Variants in WDR44 observed in about 807,000 individuals in gnomAD.
The protein encoded by WDR44 is WD repeat-containing protein 44.
A neutral mutation model predicts 65.7 loss-of-function variants in WDR44; 9 were observed. The ratio of observed to expected loss-of-function variants is 0.14; its 90% CI spans 0.08 to 0.24. The LOEUF is 0.24. Among genes scored for constraint, WDR44 ranks in the 10% least tolerant of loss-of-function variants. The pLI, the probability that WDR44 is intolerant of heterozygous loss-of-function variation, is 1.00. For synonymous variants in WDR44, 220 were observed against 235.2 expected (o/e 0.94, Z 0.59); for missense variants, 425 against 670.9 (o/e 0.63, Z 4.05).
chrX:118,447,031 A>AT (rs1244234822), intron 19 of WDR44: 1 of 308,753 alleles, frequency 3.2e-6, no homozygotes, highest in Admixed American at 3.4e-5. Context: ...ATGCCTGGCT[A>AT]ATTTTTTTTT....
At chrX:118,444,227 A>T (rs1229960601) in intron 18 of WDR44, 133 bp from the exon 19 acceptor site, 2 of 719,124 alleles carry the variant, frequency 2.8e-6, no homozygotes, top group African/African-American at 4.3e-5. Flanking sequence ...TTTTTTAGAA[A>T]AATTTTTGGG....
At chrX:118,395,146 C>T in intron 5 of WDR44, 103 bp from the exon 6 acceptor site, 1 of 743,105 alleles carries the variant, frequency 1.3e-6, no homozygotes, top group Non-Finnish European at 2.0e-6. Context: ...CAGCAGACTC[C>T]ATTATCTGAA....
intron 12 of WDR44, among the ~76,000 whole-genome samples, chrX:118,421,030 T>C (rs1462523003): frequency 9.0e-6 from 1 of 111,621 alleles, no homozygotes; most frequent in Non-Finnish European, 1.9e-5. Flanking sequence ...GTGGACCTTA[T>C]TCCTATTGTT....
intron 1 of WDR44, among the ~76,000 whole-genome samples, chrX:118,352,352 A>ATATATATTTTTTTTT (rs1357425730): frequency 7.0e-5 from 1 of 14,224 alleles, no homozygotes; most frequent in Non-Finnish European, 1.0e-4. Context: ...ATATATATAT[A>ATATATATTTTTTTTT]TTTTTTTTTT....
At chrX:118,410,749 G>T in intron 11 of WDR44, 146 bp from the exon 12 acceptor site, 1 of 485,396 alleles carries the variant, frequency 2.1e-6, no homozygotes, top group Non-Finnish European at 3.4e-6. Context: ...CTCCTATAGG[G>T]TTATGCCTCA....
At chrX:118,379,440 C>T (rs1035055723) in intron 2 of WDR44, among the ~76,000 whole-genome samples, 5 of 111,568 alleles carry the variant, frequency 4.5e-5, no homozygotes, top group Non-Finnish European at 9.4e-5. Flanking sequence ...TATACAATGA[C>T]ATGGATGAAT....
intron 2 of WDR44, chrX:118,386,294 CAACTT>C (rs2056765254): frequency 1.9e-5 from 6 of 308,653 alleles, no homozygotes; most frequent in Non-Finnish European, 3.7e-5. Context: ...TATAAATAGA[CAACTT>C]AAGATTGAGA....
chrX:118,396,948 T>A (rs2056870728), intron 6 of WDR44, 22 bp from the exon 7 acceptor site: 7 of 1,149,015 alleles, frequency 6.1e-6, no homozygotes, highest in Admixed American at 3.1e-5. Context: ...TTGGTGTGAT[T>A]GTTTTTTTTT....
Position 118,387,328 on chromosome X carries a change from T to C in WDR44, c.112-12T>C, listed in dbSNP as rs184144755. On this transcript the variant is annotated splice_polypyrimidine_tract_variant and intron_variant, in intron 2 of 19. Coordinates refer to ENST00000254029, the MANE Select transcript of WDR44 (RefSeq NM_019045.5). ...CATCATTTGGTCTCTATTTCTTTTC[T>C]TTTTCAAACAGGAAACAGAGAACAC... 17 of 1,168,237 alleles carry C rather than the reference T, an allele frequency of 1.5e-5. No homozygotes were observed. In the Admixed American group the frequency reaches 3.5e-4, roughly 24 times the overall value.
chrX:118,410,826 G>A, intron 11 of WDR44, 69 bp from the exon 12 acceptor site: 1 of 846,292 alleles, frequency 1.2e-6, no homozygotes, highest in East Asian at 3.3e-5. Context: ...ATTACTTCTG[G>A]ATGTTATATT....
At chrX:118,371,286 C>T (rs1331966853) in intron 1 of WDR44, among the ~76,000 whole-genome samples, 2 of 111,210 alleles carry the variant, frequency 1.8e-5, no homozygotes, top group Non-Finnish European at 3.8e-5. Flanking sequence ...ATGGTAGTTT[C>T]CGGGGGTTGG....
chrX:118,394,243 G>A (rs1437467696), intron 5 of WDR44, 58 bp downstream of exon 5: 11 of 1,187,269 alleles, frequency 9.3e-6, no homozygotes, highest in Non-Finnish European at 1.2e-5. Context: ...CAACTGGCTG[G>A]TTTGTTGATG....
Position 118,368,459 on chromosome X carries a change from C to CTATA in WDR44, c.78-9941_78-9938dup, listed in dbSNP as rs757542334. On this transcript the variant is annotated intron_variant, in intron 1 of 19. Coordinates refer to ENST00000254029, the MANE Select transcript of WDR44 (RefSeq NM_019045.5). The stretch of plus-strand genomic sequence containing the variant: ...CCACATACATGTTTTGAAATAGTGA[C>CTATA]TATATATATATATATATATATACTT... Among the ~76,000 whole-genome samples, 649 of 72,862 alleles carry CTATA rather than the reference C, an allele frequency of 8.9e-3. 50 individuals are homozygous for CTATA. Among genetic ancestry groups the CTATA allele is most frequent in the African/African-American group, 0.039 (537 of 13,814 alleles). 63.3% of individuals were successfully genotyped at this position (72,862 alleles called of 115,157 possible).
Position 118,397,035 on chromosome X carries a change from A to T in WDR44, c.1119A>T (p.Ala373=). The change falls in exon 7 of 20, where the codon GCA becomes GCT. Residue 373 remains alanine, a synonymous_variant. Transcript: ENST00000254029. ...DTGEEIPLSL[A]EEKLPTGINP... The stretch of plus-strand genomic sequence containing the variant: ...GAGAAGAAATACCTTTGAGTCTTGC[A>T]GAAGAGAAACTACCAACAGGCATTA... The T allele has an allele frequency of 6.7e-6, 8 of 1,201,816 alleles. No individual in the cohort carries two copies. Among genetic ancestry groups the T allele is most frequent in the Non-Finnish European group, 9.0e-6 (8 of 891,065 alleles).
chrX:118,348,543 T>C (rs921978816), intron 1 of WDR44, among the ~76,000 whole-genome samples: 2 of 112,277 alleles, frequency 1.8e-5, no homozygotes, highest in African/African-American at 6.5e-5. Flanking sequence ...ATTTCAGGGC[T>C]CCTTTCTGTA....
chrX:118,421,836 C>T (rs2057107818), intron 12 of WDR44, among the ~76,000 whole-genome samples: 1 of 111,353 alleles, frequency 9.0e-6, no homozygotes, highest in Non-Finnish European at 1.9e-5. Flanking sequence ...TTATCTTAGA[C>T]ACTTATAAAG....
At chrX:118,422,594 G>T (rs780501031) in intron 12 of WDR44, among the ~76,000 whole-genome samples, 1 of 109,656 alleles carries the variant, frequency 9.1e-6, no homozygotes, top group Non-Finnish European at 1.9e-5. Flanking sequence ...TGGGAGGCTG[G>T]GGCAGGAGAA....
rs866380600 is a variant in WDR44, at chrX:118,377,744, A to G, written c.78-675A>G. The stretch of plus-strand genomic sequence containing the variant: ...CTCTCTTTTTTTTTTTTTTTTTTTT[A>G]AGAGATGGGATCTTGCTGTCTCCCC... On this transcript the variant is annotated intron_variant, in intron 1 of 19. Coordinates refer to ENST00000254029, the MANE Select transcript of WDR44 (RefSeq NM_019045.5). 2.7e-3 allele frequency among the ~76,000 whole-genome samples: 111 copies of G among 41,400 alleles called. 1 individual carries two copies. The highest frequency in any genetic ancestry group is 3.1e-3 in the Non-Finnish European group (87 of 27,929). The allele number at this position is 41,400 out of a possible 115,157, so 36.0% of individuals were successfully genotyped here. A position where few individuals can be genotyped will look rare whatever the true frequency, so the allele number is the denominator to read the frequency against.
rs761321691 is a variant in WDR44 at position 118,392,821 on chromosome X, A to T, written c.376A>T (p.Ser126Cys). ...VLPEESQKAESQNTFEETELE... is the reference protein window; with the variant it reads ...VLPEESQKAECQNTFEETELE... ...ACCGGAAGAATCCCAAAAGGCAGAG[A>T]GTCAGAATACATTTGAAGAGACTGA... The change falls in exon 4 of 20, where the codon AGT becomes TGT. Residue 126 changes from serine (S) to cysteine (C), a missense_variant. Physicochemically the swap from Ser to Cys is moderately radical, Grantham distance 112 (BLOSUM62 -1). Around this residue, in one of 5 missense-constraint regions of WDR44, gnomAD observed 193 missense variants for 209.0 expected, o/e 0.92. Coordinates refer to ENST00000254029, the MANE Select transcript of WDR44 (RefSeq NM_019045.5). 6.6e-6 allele frequency: 8 copies of T among 1,212,099 alleles called. No individual in the cohort carries two copies. The Admixed American group carries it at 1.7e-4, about 26-fold the overall frequency.
Sources: gnomAD v4.1 joint callset for allele counts (sites outside exome capture counted in the v4.1 genomes callset) on GRCh38, gnomAD v4.1.1 for gene constraint, gnomAD v4.1.1 regional missense constraint, MANE v1.5 for transcripts, NCBI Gene and HGNC (gene_info 2026-07-23, HGNC 2026-07-21) for gene names.